Variants in CNGB3 observed in about 807,000 individuals in gnomAD.
The protein encoded by CNGB3 is cyclic nucleotide gated channel subunit beta 3, also known as cyclic nucleotide-gated channel beta-3.
Under a neutral mutation model 92.8 loss-of-function variants are expected in CNGB3, and 86 were observed. The observed-to-expected ratio is 0.93, with a 90% confidence interval of 0.78 to 1.11. The LOEUF (loss-of-function observed/expected upper bound fraction) is 1.11, where lower values mean the gene tolerates loss of function less well. Ranked by LOEUF, CNGB3 falls within the 50% of genes least tolerant of loss-of-function variation. CNGB3 has a pLI of 0.00. For synonymous variants in CNGB3, 333 were observed against 332.7 expected, an observed-to-expected ratio of 1.00 and a Z score of -0.01; for missense variants, 1,026 against 956.8, an observed-to-expected ratio of 1.07 and a Z score of -0.95.
intron 10 of CNGB3, 70 bp from the exon 11 acceptor site, chr8:86,632,963 TATAGTACTATTAA>T: frequency 7.3e-7 from 1 of 1,368,170 alleles, no homozygotes. Context: ...CTTGGGAGAA[TATAGTACTATTAA>T]ATTATAACAA....
At chr8:86,613,834 A>C (rs1802930650) in intron 13 of CNGB3, among the ~76,000 whole-genome samples, 1 of 149,684 alleles carries the variant, frequency 6.7e-6, no homozygotes, top group Non-Finnish European at 1.5e-5. Flanking sequence ...AGTGATTTTA[A>C]ATATTGTTTT....
chr8:86,707,137 C>T (rs1454060191), intron 3 of CNGB3, among the ~76,000 whole-genome samples: 1 of 152,128 alleles, frequency 6.6e-6, no homozygotes, highest in East Asian at 1.9e-4. Flanking sequence ...GGCTCCCATC[C>T]ATCCATCCAT....
In CNGB3 at chr8:86,706,362, C is replaced by T. The variant is rs566475648; in HGVS notation, c.338+20169G>A. On this transcript the variant is annotated intron_variant, in intron 3 of 17. Transcript: ENST00000320005. ...GTTCCTTTCAAAACACATGTTGGTA[C>T]GGTTTAAGCAAAACATTCATTACTT... 6.6e-5 allele frequency among the ~76,000 whole-genome samples: 10 copies of T among 152,298 alleles called. No individual in the cohort carries two copies. The South Asian group carries it at 1.9e-3, about 28-fold the overall frequency.
intron 13 of CNGB3, among the ~76,000 whole-genome samples, chr8:86,619,808 A>T (rs911552911): frequency 8.2e-5 from 11 of 134,902 alleles, no homozygotes; most frequent in South Asian, 4.6e-4. Flanking sequence ...ATCATGGCTC[A>T]CTGCAGCCTC....
At chr8:86,661,012 C>T (rs373573222) in intron 6 of CNGB3, among the ~76,000 whole-genome samples, 12 of 152,272 alleles carry the variant, frequency 7.9e-5, no homozygotes, top group African/African-American at 2.4e-4. Flanking sequence ...CAGATCGCCT[C>T]CTCCCTAAAG....
intron 2 of CNGB3, among the ~76,000 whole-genome samples, chr8:86,736,004 T>C (rs1825246389): frequency 6.6e-6 from 1 of 152,050 alleles, no homozygotes; most frequent in Non-Finnish European, 1.5e-5. Flanking sequence ...TAACATAATA[T>C]AAATGAAATA....
chr8:86,740,350 A>G (rs572024895), intron 1 of CNGB3, among the ~76,000 whole-genome samples: 3 of 152,346 alleles, frequency 2.0e-5, no homozygotes, highest in Admixed American at 1.3e-4. Flanking sequence ...CAATGTCTGT[A>G]GAGGATTAGG....
intron 13 of CNGB3, among the ~76,000 whole-genome samples, chr8:86,624,091 G>T (rs1212645385): frequency 6.6e-6 from 1 of 152,160 alleles, no homozygotes; most frequent in African/African-American, 2.4e-5. Context: ...CTGCTCAAGA[G>T]CCTCAGTGTC....
intron 14 of CNGB3, among the ~76,000 whole-genome samples, chr8:86,608,579 G>T (rs1327023473): frequency 6.6e-6 from 1 of 152,224 alleles, no homozygotes; most frequent in Non-Finnish European, 1.5e-5. Flanking sequence ...TCCCTGTGAT[G>T]CTGTGCTTCA....
In CNGB3 at chr8:86,638,001, T is replaced by G. The variant is rs73690970; in HGVS notation, c.1179-5108A>C. ...ACAGTATATATGCTTCCGTATAAGA[T>G]GTCTTTTACTCAGTATGGTTTTGAG... is the stretch of plus-strand genomic sequence containing the variant. On this transcript the variant is annotated intron_variant, in intron 10 of 17. Transcript: ENST00000320005. Among the ~76,000 whole-genome samples the G allele has an allele frequency of 6.9e-3, 1,051 of 152,246 alleles. 11 individuals are homozygous for G. Among genetic ancestry groups the G allele is most frequent in the African/African-American group, 0.024 (998 of 41,542 alleles).
At chr8:86,719,720 G>A (rs551560301) in intron 3 of CNGB3, among the ~76,000 whole-genome samples, 1 of 152,204 alleles carries the variant, frequency 6.6e-6, no homozygotes, top group South Asian at 2.1e-4. Context: ...CAAATCTGGA[G>A]GCATCACATT....
At chr8:86,606,008 A>C (rs1157633265) in intron 14 of CNGB3, among the ~76,000 whole-genome samples, 1 of 152,216 alleles carries the variant, frequency 6.6e-6, no homozygotes, top group South Asian at 2.1e-4. Flanking sequence ...TGGCTTAGCC[A>C]ATTAGCTAAA....
chr8:86,711,178 C>G (rs1824742698), intron 3 of CNGB3, among the ~76,000 whole-genome samples: 1 of 152,124 alleles, frequency 6.6e-6, no homozygotes, highest in Admixed American at 6.5e-5. Flanking sequence ...AAAGGAAGGA[C>G]TTCTTGGTGC....
chr8:86,682,727 C>T lies in CNGB3; in HGVS notation c.339-11629G>A, dbSNP rs547839245. Among the ~76,000 whole-genome samples the T allele has an allele frequency of 3.9e-5, 6 of 152,188 alleles. No homozygotes were observed. The South Asian group carries it at 1.0e-3, about 26-fold the overall frequency. ...TTTGTAGAAAGAGGGAAACCAAGAA[C>T]GTCCGAGTCAATAATGCAAAATCGC... On this transcript the variant is annotated intron_variant, in intron 3 of 17. Transcript: ENST00000320005.
chr8:86,721,456 G>T (rs1428610497), intron 3 of CNGB3, among the ~76,000 whole-genome samples: 1 of 151,910 alleles, frequency 6.6e-6, no homozygotes, highest in Non-Finnish European at 1.5e-5. Flanking sequence ...TACACATTGG[G>T]TACAGTGTTC....
At chr8:86,576,357 T>C (rs1821662074) in intron 17 of CNGB3, among the ~76,000 whole-genome samples, 1 of 152,174 alleles carries the variant, frequency 6.6e-6, no homozygotes, top group South Asian at 2.1e-4. Context: ...CTGAATTGCA[T>C]TTTTTTGTCT....
intron 10 of CNGB3, among the ~76,000 whole-genome samples, chr8:86,642,855 C>T (rs1311566099): frequency 6.6e-6 from 1 of 151,384 alleles, no homozygotes; most frequent in African/African-American, 2.4e-5. Context: ...ATTTATGATC[C>T]TCGTTACTCT....
intron 13 of CNGB3, among the ~76,000 whole-genome samples, chr8:86,617,417 C>T (rs540499310): frequency 6.6e-5 from 10 of 152,100 alleles, no homozygotes; most frequent in Non-Finnish European, 1.0e-4. Context: ...TACAAAAAGA[C>T]GTGCTTTGTT....
chr8:86,650,387 A>G (rs1563740749), intron 7 of CNGB3, among the ~76,000 whole-genome samples: 2 of 151,614 alleles, frequency 1.3e-5, no homozygotes, highest in Non-Finnish European at 3.0e-5. Flanking sequence ...ACTACTGGGT[A>G]TCTACCAAAA....
Sources: allele counts gnomAD v4.1 joint callset (sites outside exome capture counted in the v4.1 genomes callset), GRCh38; gene constraint gnomAD v4.1.1; transcripts MANE v1.5; gene names NCBI Gene and HGNC (gene_info 2026-07-23, HGNC 2026-07-21).